The following RHOBTB3 variants were observed in gnomAD, a reference collection of about 807,000 sequenced individuals.
RHOBTB3 encodes the protein Rho related BTB domain containing 3.
A neutral mutation model predicts 67.2 loss-of-function variants in RHOBTB3; 47 were observed. The ratio of observed to expected loss-of-function variants is 0.70; its 90% CI spans 0.55 to 0.89. The LOEUF is 0.89. Among genes scored for constraint, RHOBTB3 ranks in the 40% least tolerant of loss-of-function variants. The pLI is 0.00. For missense variants in RHOBTB3, 631 were observed against 750.0 expected, an observed-to-expected ratio of 0.84 and a Z score of 1.85; for synonymous variants, 273 against 274.2, an observed-to-expected ratio of 1.00 and a Z score of 0.04.
intron 6 of RHOBTB3, 154 bp downstream of exon 6, chr5:95,755,915 T>A: frequency 1.4e-6 from 1 of 714,090 alleles, no homozygotes; most frequent in East Asian, 2.7e-5. Context: ...GCTTTATATA[T>A]AAGAATTGGT....
chr5:95,720,219 A>G (rs1422950229), intron 1 of RHOBTB3, among the ~76,000 whole-genome samples: 2 of 152,358 alleles, frequency 1.3e-5, no homozygotes, highest in East Asian at 1.9e-4. Flanking sequence ...AGCCTTGGAT[A>G]ATGTGACTTA....
chr5:95,767,880 A>G (rs1213438548), intron 7 of RHOBTB3, 166 bp from the exon 8 acceptor site: 5 of 736,010 alleles, frequency 6.8e-6, no homozygotes, highest in South Asian at 4.4e-5. Context: ...CAGCCCATAC[A>G]GTTCTTAAAG....
Position 95,794,065 on chromosome 5 carries a change from AAG to A in RHOBTB3, c.*895_*896del. The A allele has an allele frequency of 2.2e-6, 1 of 456,158 alleles. No individual in the cohort carries two copies. Among genetic ancestry groups the A allele is most frequent in the South Asian group, 1.5e-5 (1 of 64,544 alleles). The allele number at this position is 456,158 out of a possible 1,614,324, so 28.3% of individuals were successfully genotyped here. ...GAAGAGAAGGAGGCTCACCGGAGGG[AAG>A]AGAACATAGTGAAGATTCCCGCCTT... On this transcript the variant is annotated 3_prime_UTR_variant, in exon 12 of 12. Coordinates refer to ENST00000379982, the MANE Select transcript of RHOBTB3 (RefSeq NM_014899.4).
intron 7 of RHOBTB3, among the ~76,000 whole-genome samples, chr5:95,764,943 G>A (rs1416356748): frequency 6.6e-6 from 1 of 152,072 alleles, no homozygotes; most frequent in East Asian, 1.9e-4. Flanking sequence ...ATGGCAGGAT[G>A]GTAGCTCTTG....
intron 8 of RHOBTB3, among the ~76,000 whole-genome samples, chr5:95,775,811 T>C (rs998393956): frequency 3.3e-5 from 5 of 151,930 alleles, no homozygotes; most frequent in Admixed American, 2.0e-4. Context: ...AAAAAAAAAA[T>C]TGGGAAGGAA....
rs1207157745 is a variant in RHOBTB3, at chr5:95,752,337, A to G, written c.669A>G (p.Gln223=). 9 of 1,598,142 alleles carry G rather than the reference A, an allele frequency of 5.6e-6. No individual in the cohort carries two copies. Among genetic ancestry groups the G allele is most frequent in the African/African-American group, 1.3e-5 (1 of 74,398 alleles). ...CCTTTCATGGAATTAGACCACCTCA[A>G]CTTGAACAACCAGGTGCATTTCTTA... The part of the protein sequence containing the change: ...SNSFHGIRPP[Q]LEQPEKMPVL... Residue 223 remains glutamine (Q), a synonymous_variant, in exon 5 of 12, where the codon CAA becomes CAG. Coordinates refer to ENST00000379982, the MANE Select transcript of RHOBTB3 (RefSeq NM_014899.4).
chr5:95,749,151 A>G (rs965713037), intron 4 of RHOBTB3, among the ~76,000 whole-genome samples: 3 of 152,246 alleles, frequency 2.0e-5, no homozygotes, highest in African/African-American at 7.2e-5. Context: ...ATTTGCTGAC[A>G]TAGAAACTAC....
intron 11 of RHOBTB3, chr5:95,789,646 G>A (rs1746317761): frequency 6.6e-6 from 1 of 152,136 alleles, no homozygotes; most frequent in Non-Finnish European, 1.5e-5. Context: ...TAACTGAAGT[G>A]TCTTCTAGGG....
At chr5:95,731,093 G>A, upstream of RHOBTB3, 1 of 1,103,484 alleles carries the variant, frequency 9.1e-7, no homozygotes, top group Non-Finnish European at 1.1e-6. Context: ...ATTGGCGGCT[G>A]GGAGCTCTCG....
chr5:95,794,440 G>C lies in RHOBTB3; in HGVS notation c.*1266G>C, dbSNP rs1746511371. The C allele has an allele frequency of 6.0e-6, 1 of 168,050 alleles. No individual in the cohort carries two copies. Among genetic ancestry groups the C allele is most frequent in the South Asian group, 1.4e-4 (1 of 7,020 alleles). The allele number at this position is 168,050 out of a possible 1,614,324, so 10.4% of individuals were successfully genotyped here. Reference sequence around the variant, plus strand: ...CTGCAAGATTATTTGATAAAGAGTAGCATGAATCTTGTGCTCTAATATTAC... The same window carrying C: ...CTGCAAGATTATTTGATAAAGAGTACCATGAATCTTGTGCTCTAATATTAC... On this transcript the variant is annotated 3_prime_UTR_variant, in exon 12 of 12. Coordinates refer to ENST00000379982, the MANE Select transcript of RHOBTB3 (RefSeq NM_014899.4).
intron 8 of RHOBTB3, chr5:95,770,541 T>G (rs1323772985): frequency 2.6e-6 from 1 of 381,810 alleles, no homozygotes; most frequent in Non-Finnish European, 5.3e-6. Flanking sequence ...TTTGTGAATA[T>G]GGTGGAAGAG....
intron 3 of RHOBTB3, among the ~76,000 whole-genome samples, chr5:95,744,335 CCAGA>C (rs1167654969): frequency 1.3e-5 from 2 of 152,170 alleles, no homozygotes; most frequent in African/African-American, 4.8e-5. Context: ...CGTAATCCCC[CCAGA>C]CAGTTAACTT....
At chr5:95,732,222 A>C in intron 2 of RHOBTB3, 138 bp downstream of exon 2, 1 of 776,680 alleles carries the variant, frequency 1.3e-6, no homozygotes. Context: ...TTTTTGAGAA[A>C]ATCTTTGGTC....
At chr5:95,787,275 T>C (rs1157779479) in intron 10 of RHOBTB3, among the ~76,000 whole-genome samples, 1 of 152,148 alleles carries the variant, frequency 6.6e-6, no homozygotes, top group Non-Finnish European at 1.5e-5. Context: ...CTTATTCTTT[T>C]CCCTTGAGAT....
At chr5:95,736,092 A>G (rs1342649184) in intron 2 of RHOBTB3, among the ~76,000 whole-genome samples, 1 of 152,246 alleles carries the variant, frequency 6.6e-6, no homozygotes, top group Admixed American at 6.5e-5. Flanking sequence ...ACAGAAAAAA[A>G]ATCAAAACAT....
intron 6 of RHOBTB3, chr5:95,756,168 C>G: frequency 6.2e-6 from 1 of 160,488 alleles, no homozygotes; most frequent in Non-Finnish European, 1.4e-5. Context: ...CCCATTCCGA[C>G]CTCTTTCCAG....
At chr5:95,749,133 A>G (rs1004529601) in intron 4 of RHOBTB3, among the ~76,000 whole-genome samples, 2 of 152,244 alleles carry the variant, frequency 1.3e-5, no homozygotes, top group East Asian at 1.9e-4. Context: ...GAGTTGTATC[A>G]TTTAAGAATT....
chr5:95,779,134 A>G (rs1745977231), intron 8 of RHOBTB3, among the ~76,000 whole-genome samples: 3 of 152,236 alleles, frequency 2.0e-5, no homozygotes, highest in Admixed American at 6.5e-5. Flanking sequence ...TTTAGAGAAG[A>G]CTATATATCC....
intron 8 of RHOBTB3, among the ~76,000 whole-genome samples, chr5:95,776,906 C>CT (rs1465451405): frequency 6.6e-6 from 1 of 152,188 alleles, no homozygotes; most frequent in African/African-American, 2.4e-5. Context: ...GATCGCTGTA[C>CT]TTTTTCCTGC....
Sources: allele counts gnomAD v4.1 joint callset (sites outside exome capture counted in the v4.1 genomes callset), GRCh38; gene constraint gnomAD v4.1.1; transcripts MANE v1.5; gene names NCBI Gene and HGNC (gene_info 2026-07-23, HGNC 2026-07-21).